Variants in TAX1BP1 observed in about 807,000 individuals in gnomAD.
TAX1BP1 encodes the protein Tax1 binding protein 1.
Under a neutral mutation model 97.7 loss-of-function variants are expected in TAX1BP1, and 62 were observed. That is an observed-to-expected ratio of 0.63 (90% CI 0.52 to 0.78). TAX1BP1 has a LOEUF of 0.78. Ranked by LOEUF, TAX1BP1 falls within the 30% of genes least tolerant of loss-of-function variation. TAX1BP1 has a pLI of 0.00. For missense variants in TAX1BP1, 867 were observed against 916.1 expected (o/e 0.95, Z 0.69); for synonymous variants, 340 against 304.2 (o/e 1.12, Z -1.23).
At chr7:27,780,131 T>C (rs540626660) in intron 5 of TAX1BP1, among the ~76,000 whole-genome samples, 2 of 152,192 alleles carry the variant, frequency 1.3e-5, no homozygotes, top group Non-Finnish European at 2.9e-5. Context: ...AATATAGTAG[T>C]CTTTGAATTT....
Position 27,800,055 on chromosome 7 carries a change from AAACTTG to A in TAX1BP1, c.1734_1739del (p.Glu579_Leu580del), listed in dbSNP as rs1378075326. Reference sequence around the variant, plus strand: ...ACAAGTGAAAATTGCTGAAAATGTAAAACTTGAACTAGCTGAAGTACAGGACAATTA... The same window carrying A: ...ACAAGTGAAAATTGCTGAAAATGTAAAACTAGCTGAAGTACAGGACAATTA... On this transcript the variant is annotated inframe_deletion, in exon 13 of 17. Transcript: ENST00000396319. 6.3e-7 allele frequency: 1 copy of A among 1,598,074 alleles called. No homozygotes were observed. The highest frequency in any genetic ancestry group is 8.5e-7 in the Non-Finnish European group (1 of 1,172,442).
chr7:27,789,788 A>G (rs1002572628), intron 8 of TAX1BP1, among the ~76,000 whole-genome samples: 2 of 152,042 alleles, frequency 1.3e-5, no homozygotes, highest in Non-Finnish European at 2.9e-5. Context: ...TCAGAAGCGC[A>G]TGACATTTAG....
At position 27,800,036 on chromosome 7, in the gene TAX1BP1, GA is replaced by G; in HGVS notation, c.1714del (p.Ile572LeufsTer5). The G allele has an allele frequency of 6.2e-7, 1 of 1,601,848 alleles. No individual in the cohort carries two copies. The highest frequency in any genetic ancestry group is 8.5e-7 in the Non-Finnish European group (1 of 1,174,408). On this transcript the variant is annotated frameshift_variant, in exon 13 of 17. Transcript: ENST00000396319. LOFTEE classifies it high-confidence loss of function. ...KMELKWKEQVKIAENVKLELA... is the reference protein window; with the variant it reads ...KMELKWKEQVXIAENVKLELA... The stretch of plus-strand genomic sequence containing the variant: ...TGGAGCTGAAATGGAAAGAACAAGT[GA>G]AAATTGCTGAAAATGTAAAACTTGA...
At chr7:27,789,175 C>T (rs1789603005) in intron 8 of TAX1BP1, among the ~76,000 whole-genome samples, 1 of 151,984 alleles carries the variant, frequency 6.6e-6, no homozygotes, top group African/African-American at 2.4e-5. Context: ...GAATATGTTT[C>T]ACTAAGGATG....
intron 2 of TAX1BP1, among the ~76,000 whole-genome samples, chr7:27,755,049 C>T (rs1788159411): frequency 6.6e-6 from 1 of 152,138 alleles, no homozygotes; most frequent in South Asian, 2.1e-4. Context: ...ATGTTGCATA[C>T]TCCCTGTGTA....
At chr7:27,802,658 G>C (rs930791246) in intron 13 of TAX1BP1, among the ~76,000 whole-genome samples, 8 of 152,144 alleles carry the variant, frequency 5.3e-5, no homozygotes, top group African/African-American at 1.9e-4. Flanking sequence ...AGTAGGCTTG[G>C]GACATTAACC....
At chr7:27,757,991 A>G in intron 2 of TAX1BP1, 40 bp from the exon 3 acceptor site, 1 of 1,337,764 alleles carries the variant, frequency 7.5e-7, no homozygotes, top group Non-Finnish European at 1.1e-6. Flanking sequence ...ATATTAAACT[A>G]TTTGCTTATA....
In TAX1BP1 at chr7:27,794,573, G is replaced by A. The variant is rs1452614538; in HGVS notation, c.1534+127G>A. Reference sequence around the variant, plus strand: ...TCATGTGATAAGTGAAGGAATTGAGGCAACAAGAAAATAAGGGTATAAATG... The same window carrying A: ...TCATGTGATAAGTGAAGGAATTGAGACAACAAGAAAATAAGGGTATAAATG... On this transcript the variant is annotated intron_variant, in intron 11 of 16. Coordinates refer to ENST00000396319, the MANE Select transcript of TAX1BP1 (RefSeq NM_006024.7). 5 of 1,008,208 alleles carry A rather than the reference G, an allele frequency of 5.0e-6. No homozygotes were observed. The African/African-American group carries it at 8.1e-5, about 16-fold the overall frequency. The allele number at this position is 1,008,208 out of a possible 1,614,324, so 62.5% of individuals were successfully genotyped here. A position where few individuals can be genotyped will look rare whatever the true frequency, so the allele number is the denominator to read the frequency against.
intron 5 of TAX1BP1, among the ~76,000 whole-genome samples, chr7:27,781,660 A>G (rs1472233480): frequency 1.3e-5 from 2 of 152,154 alleles, no homozygotes; most frequent in Non-Finnish European, 2.9e-5. Flanking sequence ...ATTGCTGTAC[A>G]CTACTGTAGA....
At chr7:27,818,236 G>A (rs1290093875) in intron 15 of TAX1BP1, among the ~76,000 whole-genome samples, 1 of 152,202 alleles carries the variant, frequency 6.6e-6, no homozygotes, top group African/African-American at 2.4e-5. Context: ...GAGAAGCAGT[G>A]TTAGAGTCTT....
intron 3 of TAX1BP1, among the ~76,000 whole-genome samples, chr7:27,763,208 A>AC (rs772895937): frequency 6.6e-6 from 1 of 152,202 alleles, no homozygotes; most frequent in East Asian, 1.9e-4. Context: ...AAAACCCAAA[A>AC]CATCTAACAA....
intron 12 of TAX1BP1, 90 bp from the exon 13 acceptor site, chr7:27,799,871 TAATA>T: frequency 1.1e-6 from 1 of 937,540 alleles, no homozygotes. Flanking sequence ...AACAGTGTTA[TAATA>T]AATGTTCAGC....
At chr7:27,781,461 A>G (rs1476191364) in intron 5 of TAX1BP1, among the ~76,000 whole-genome samples, 4 of 152,296 alleles carry the variant, frequency 2.6e-5, no homozygotes, top group African/African-American at 7.2e-5. Flanking sequence ...GTTGTAACAC[A>G]TGGTAAATAT....
At chr7:27,822,172 A>G (rs1404062284) in intron 15 of TAX1BP1, among the ~76,000 whole-genome samples, 1 of 152,214 alleles carries the variant, frequency 6.6e-6, no homozygotes, top group African/African-American at 2.4e-5. Flanking sequence ...AAAATCTGAG[A>G]AAGTCTGAAA....
chr7:27,818,194 G>A (rs1790851253), intron 15 of TAX1BP1, among the ~76,000 whole-genome samples: 1 of 152,070 alleles, frequency 6.6e-6, no homozygotes, highest in South Asian at 2.1e-4. Flanking sequence ...TGTTCTTTCT[G>A]ATCTGTGTGC....
chr7:27,754,476 C>G (rs1788136412), intron 2 of TAX1BP1, among the ~76,000 whole-genome samples: 1 of 151,018 alleles, frequency 6.6e-6, no homozygotes, highest in Non-Finnish European at 1.5e-5. Flanking sequence ...ATATCCCTAC[C>G]TAATTAATAT....
Position 27,829,419 on chromosome 7 carries a change from CTAA to C in TAX1BP1, c.*592_*594del, listed in dbSNP as rs991815667. On this transcript the variant is annotated 3_prime_UTR_variant, in exon 17 of 17. Transcript: ENST00000396319. ...AGCAATTAACAGAAGGCATACTTTG[CTAA>C]TTTTATGGCAAAATTTTAGAATAAC... The C allele has an allele frequency of 1.3e-5, 2 of 152,098 alleles. No individual in the cohort carries two copies. The highest frequency in any genetic ancestry group is 4.8e-5 in the African/African-American group (2 of 41,434). 9.4% of individuals were successfully genotyped at this position (152,098 alleles called of 1,614,324 possible).
upstream of TAX1BP1, chr7:27,739,663 A>T (rs1473568343): frequency 6.6e-6 from 1 of 152,186 alleles, no homozygotes; most frequent in African/African-American, 2.4e-5. Context: ...ACAAAACTTC[A>T]TAGCCAAAAA....
intron 15 of TAX1BP1, among the ~76,000 whole-genome samples, chr7:27,823,627 TA>T (rs1791063086): frequency 1.3e-5 from 2 of 152,314 alleles, no homozygotes; most frequent in Admixed American, 1.3e-4. Context: ...GCATTTTTTT[TA>T]TTGTGGTAGA....
Sources: allele counts gnomAD v4.1 joint callset (sites outside exome capture counted in the v4.1 genomes callset), GRCh38; gene constraint gnomAD v4.1.1; transcripts MANE v1.5; gene names NCBI Gene and HGNC (gene_info 2026-07-23, HGNC 2026-07-21).